The following UGT1A8 variants were observed in gnomAD, a reference collection of about 807,000 sequenced individuals.
UGT1A8 encodes UDP glucuronosyltransferase family 1 member A8, also known as UDP-glucuronosyltransferase 1A8.
In UGT1A8, 39 loss-of-function variants were observed where a neutral mutation model predicts 45.3. The ratio of observed to expected loss-of-function variants is 0.86; its 90% CI spans 0.67 to 1.12. The LOEUF (loss-of-function observed/expected upper bound fraction) is 1.12. Among genes scored for constraint, UGT1A8 ranks in the 50% most tolerant of loss-of-function variants. The pLI, the probability that UGT1A8 is intolerant of heterozygous loss-of-function variation, is 0.00. For synonymous variants in UGT1A8, 275 were observed against 249.2 expected (o/e 1.10, Z -0.97); for missense variants, 719 against 664.9 (o/e 1.08, Z -0.90).
At chr2:233,632,184 A>G (rs1445213562) in intron 1 of UGT1A8, among the ~76,000 whole-genome samples, 1 of 152,036 alleles carries the variant, frequency 6.6e-6, no homozygotes, top group South Asian at 2.1e-4. Flanking sequence ...GTTCAGTTCC[A>G]TTGGTCTATA....
chr2:233,648,024 T>C (rs1327604633), intron 1 of UGT1A8: 95 of 1,596,020 alleles, frequency 6.0e-5, no homozygotes, highest in Non-Finnish European at 7.9e-5. Context: ...CAGAGGTGAG[T>C]TGGCAACTGG....
At chr2:233,700,335 A>C (rs923955753) in intron 1 of UGT1A8, among the ~76,000 whole-genome samples, 1 of 152,208 alleles carries the variant, frequency 6.6e-6, no homozygotes, top group Non-Finnish European at 1.5e-5. Context: ...CCTCTCTTTC[A>C]AAACCCTGTG....
At chr2:233,711,700 C>G (rs1349335285) in intron 1 of UGT1A8, among the ~76,000 whole-genome samples, 7 of 152,188 alleles carry the variant, frequency 4.6e-5, no homozygotes, top group African/African-American at 1.2e-4. Flanking sequence ...GTAACTTCCT[C>G]CCTAAGGGAA....
chr2:233,690,515 C>T (rs1313836280), intron 1 of UGT1A8: 3 of 1,289,546 alleles, frequency 2.3e-6, no homozygotes, highest in Admixed American at 4.6e-5. Context: ...TTTGTTTTAT[C>T]TTAGGATCTA....
At chr2:233,754,205 G>A (rs935702131) in intron 1 of UGT1A8, 1 of 163,140 alleles carries the variant, frequency 6.1e-6, no homozygotes, top group African/African-American at 2.4e-5. Context: ...AAACATTGAA[G>A]TCAAATGATT....
chr2:233,736,073 G>A (rs972063908), intron 1 of UGT1A8, among the ~76,000 whole-genome samples: 1 of 152,142 alleles, frequency 6.6e-6, no homozygotes, highest in Non-Finnish European at 1.5e-5. Flanking sequence ...CTAGGTTTGG[G>A]AAGTTCTCCT....
At chr2:233,679,212 G>C (rs377200180) in intron 1 of UGT1A8, among the ~76,000 whole-genome samples, 2 of 152,178 alleles carry the variant, frequency 1.3e-5, no homozygotes, top group Non-Finnish European at 2.9e-5. Flanking sequence ...GTGGGTTCTG[G>C]GTGGCTAGGG....
At chr2:233,743,626 G>A (rs1399385903) in intron 1 of UGT1A8, 6 of 1,367,322 alleles carry the variant, frequency 4.4e-6, no homozygotes, top group Non-Finnish European at 5.9e-6. Flanking sequence ...TGAAGACGTC[G>A]GCTGGGTCGC....
At chr2:233,627,724 T>TG (rs2073115207) in intron 1 of UGT1A8, among the ~76,000 whole-genome samples, 1 of 151,520 alleles carries the variant, frequency 6.6e-6, no homozygotes, top group Non-Finnish European at 1.5e-5. Flanking sequence ...GCTTCATTTA[T>TG]TTTGAAATGG....
At chr2:233,724,735 G>C (rs978889272) in intron 1 of UGT1A8, among the ~76,000 whole-genome samples, 4 of 144,116 alleles carry the variant, frequency 2.8e-5, no homozygotes, top group Non-Finnish European at 4.5e-5. Flanking sequence ...AGGCAGAGGG[G>C]CTCCTCACAT....
At chr2:233,745,258 A>T (rs1322135753) in intron 1 of UGT1A8, among the ~76,000 whole-genome samples, 2 of 151,808 alleles carry the variant, frequency 1.3e-5, no homozygotes, top group East Asian at 1.9e-4. Flanking sequence ...AACCATTAAG[A>T]CTTGCAGGCC....
chr2:233,719,459 C>T (rs758684998), intron 1 of UGT1A8: 2 of 1,613,896 alleles, frequency 1.2e-6, no homozygotes, highest in East Asian at 4.5e-5. Context: ...GGGTCAAGAA[C>T]ATGCTCTACC....
chr2:233,654,609 C>A (rs1033145866), intron 1 of UGT1A8, among the ~76,000 whole-genome samples: 1 of 152,156 alleles, frequency 6.6e-6, no homozygotes, highest in African/African-American at 2.4e-5. Flanking sequence ...TAAACCACAG[C>A]CCTATAAAAT....
At chr2:233,752,418 C>G (rs969012523) in intron 1 of UGT1A8, 2 of 152,110 alleles carry the variant, frequency 1.3e-5, no homozygotes, top group African/African-American at 2.4e-5. Context: ...TTCTGAAAAC[C>G]TGATTTATCG....
intron 1 of UGT1A8, among the ~76,000 whole-genome samples, chr2:233,638,685 C>T (rs964390642): frequency 6.6e-6 from 1 of 152,088 alleles, no homozygotes; most frequent in Non-Finnish European, 1.5e-5. Context: ...GGGTGGAGTA[C>T]ACATTTTTAT....
At chr2:233,713,239 C>T (rs2076295838) in intron 1 of UGT1A8, 2 of 1,614,144 alleles carry the variant, frequency 1.2e-6, no homozygotes, top group Admixed American at 1.7e-5. Context: ...TATGCCATTT[C>T]ATGGACCCAG....
intron 1 of UGT1A8, among the ~76,000 whole-genome samples, chr2:233,655,958 CTA>C (rs145331216): frequency 2.1e-3 from 313 of 152,220 alleles, no homozygotes; most frequent in Non-Finnish European, 3.8e-3. Flanking sequence ...GAAAAGGAGT[CTA>C]TATTTCTTGG....
intron 1 of UGT1A8, among the ~76,000 whole-genome samples, chr2:233,632,571 C>T (rs1402063158): frequency 2.6e-5 from 4 of 152,010 alleles, no homozygotes; most frequent in African/African-American, 7.3e-5. Flanking sequence ...AGTTGTATTC[C>T]TAGGTATTTT....
At chr2:233,767,454 G>A (rs1699397027) in intron 2 of UGT1A8, among the ~76,000 whole-genome samples, 1 of 152,122 alleles carries the variant, frequency 6.6e-6, no homozygotes, top group South Asian at 2.1e-4. Context: ...TAAAATAAAT[G>A]GGATATTGTT....
Sources: gnomAD v4.1 joint callset for allele counts (sites outside exome capture counted in the v4.1 genomes callset) on GRCh38, gnomAD v4.1.1 for gene constraint, MANE v1.5 for transcripts, NCBI Gene and HGNC (gene_info 2026-07-23, HGNC 2026-07-21) for gene names.